The following SMTN variants were observed in gnomAD, a reference collection of about 807,000 sequenced individuals.
The protein encoded by SMTN is smoothelin.
SMTN carries 58 observed loss-of-function variants against 102.0 expected under a neutral mutation model. That is an observed-to-expected ratio of 0.57 (90% CI 0.46 to 0.71). The LOEUF is 0.71. Among genes scored for constraint, SMTN ranks in the 30% least tolerant of loss-of-function variants. SMTN has a pLI of 0.00. For missense variants in SMTN, 1,185 were observed against 1,241.7 expected (o/e 0.95, Z 0.69); for synonymous variants, 478 against 497.9 (o/e 0.96, Z 0.53).
In SMTN at chr22:31,099,188, C is replaced by T. The variant is rs751385429; in HGVS notation, c.2451+9C>T. 6.2e-7 allele frequency: 1 copy of T among 1,604,094 alleles called. No homozygotes were observed. The highest frequency in any genetic ancestry group is 1.1e-5 in the South Asian group (1 of 90,748). On this transcript the variant is annotated intron_variant, in intron 18 of 20. Transcript: ENST00000333137. Reference sequence around the variant, plus strand: ...AGACTCGCGGCTACGAGGTGAGCCCCGGGAGGCCAGGGGGCCTGGAGGCCT... The same window carrying T: ...AGACTCGCGGCTACGAGGTGAGCCCTGGGAGGCCAGGGGGCCTGGAGGCCT...
chr22:31,072,363 G>C (rs2042024455), intron 1 of SMTN, among the ~76,000 whole-genome samples: 1 of 152,200 alleles, frequency 6.6e-6, no homozygotes, highest in Non-Finnish European at 1.5e-5. Context: ...TCCAACTCCA[G>C]ATCTCCCTGA....
rs915347615 is a variant in SMTN at position 31,090,031 on chromosome 22, T to C, written c.792+12T>C. ...AGGTGGTCAACAAGGTGAGTCTGGATGAGGGGCAGGGATGCCAGGCAAGTG... is the reference window on the plus strand; with the variant it reads ...AGGTGGTCAACAAGGTGAGTCTGGACGAGGGGCAGGGATGCCAGGCAAGTG... On this transcript the variant is annotated intron_variant, in intron 7 of 20. Coordinates refer to ENST00000333137, the MANE Select transcript of SMTN (RefSeq NM_134269.3). The C allele has an allele frequency of 2.5e-6, 4 of 1,610,116 alleles. No individual in the cohort carries two copies. The African/African-American group carries it at 5.3e-5, about 22-fold the overall frequency.
chr22:31,067,132 A>T (rs2041870122), intron 1 of SMTN: 1 of 152,128 alleles, frequency 6.6e-6, no homozygotes, highest in African/African-American at 2.4e-5. Context: ...GCTGGAGTGC[A>T]GTGGTGTGAT....
At chr22:31,085,405 C>G in intron 2 of SMTN, 1 of 931,924 alleles carries the variant, frequency 1.1e-6, no homozygotes, top group South Asian at 1.8e-5. Context: ...CATGGGCAAC[C>G]GGGGGAGCTG....
At chr22:31,064,848 T>C (rs1267202303) in intron 1 of SMTN, 1 of 152,184 alleles carries the variant, frequency 6.6e-6, no homozygotes, top group Non-Finnish European at 1.5e-5. Context: ...CTTAGTACAA[T>C]TATCAGAACC....
intron 11 of SMTN, 114 bp downstream of exon 11, chr22:31,091,961 A>G: frequency 9.4e-7 from 1 of 1,063,158 alleles, no homozygotes; most frequent in African/African-American, 1.6e-5. Context: ...ACACAGAGAA[A>G]CCGAGGCCCA....
chr22:31,090,734 G>T (rs1003639669), intron 8 of SMTN, 74 bp from the exon 9 acceptor site: 2 of 1,202,154 alleles, frequency 1.7e-6, no homozygotes, highest in African/African-American at 3.0e-5. Context: ...AGAGGATTAT[G>T]AAAGGTGGAC....
At position 31,088,122 on chromosome 22, in the gene SMTN, C is replaced by T. The variant is rs375180150; in HGVS notation, c.200+9C>T. 2.3e-5 allele frequency: 37 copies of T among 1,586,620 alleles called. No homozygotes were observed. The highest frequency in any genetic ancestry group is 3.3e-4 in the Middle Eastern group (2 of 5,988). ...AAGGAGAACTGGCTGCAGTGAGTAGCGGGGGGTGGAACATGCGGGTGAGAA... is the reference window on the plus strand; with the variant it reads ...AAGGAGAACTGGCTGCAGTGAGTAGTGGGGGGTGGAACATGCGGGTGAGAA... On this transcript the variant is annotated intron_variant, in intron 3 of 20. Coordinates refer to ENST00000333137, the MANE Select transcript of SMTN (RefSeq NM_134269.3).
intron 2 of SMTN, chr22:31,084,946 G>A: frequency 7.2e-7 from 1 of 1,385,298 alleles, no homozygotes; most frequent in South Asian, 1.6e-5. Flanking sequence ...TCCCCGCGGG[G>A]CCGGGCCATA....
At chr22:31,082,172 G>A in intron 1 of SMTN, 1 of 191,118 alleles carries the variant, frequency 5.2e-6, no homozygotes, top group South Asian at 8.3e-5. Flanking sequence ...CAGGCCTGGG[G>A]CCACACATTA....
At chr22:31,092,542 T>C (rs578000561) in intron 11 of SMTN, 80 of 471,246 alleles carry the variant, frequency 1.7e-4, no homozygotes, top group African/African-American at 1.4e-3. Context: ...TAATGCCCTC[T>C]GTGCTAAACC....
At chr22:31,099,501 G>C in intron 18 of SMTN, 1 of 590,632 alleles carries the variant, frequency 1.7e-6, no homozygotes, top group Non-Finnish European at 3.0e-6. Context: ...GGAGTGATGA[G>C]GCATGACCAT....
At chr22:31,065,304 G>T (rs947597117) in intron 1 of SMTN, 3 of 152,070 alleles carry the variant, frequency 2.0e-5, no homozygotes, top group African/African-American at 7.2e-5. Flanking sequence ...CTTGTGGGGA[G>T]ATAATAAGAC....
At chr22:31,086,908 C>T (rs917198882) in intron 2 of SMTN, among the ~76,000 whole-genome samples, 5 of 152,212 alleles carry the variant, frequency 3.3e-5, no homozygotes, top group Admixed American at 6.5e-5. Context: ...CTGGCCTTCC[C>T]GCTAAGCAGA....
chr22:31,091,164 T>A lies in SMTN; in HGVS notation c.1141T>A (p.Ser381Thr), dbSNP rs1428136226. Reference protein sequence around the residue: ...STTPASSSSGSSSRGPSDTSS... With the variant: ...STTPASSSSGTSSRGPSDTSS... ...CACCCCTGCCTCCTCCTCCAGCGGC[T>A]CCTCCTCTCGGGGCCCCAGTGATAC... The change falls in exon 10 of 21, where the codon TCC becomes ACC. Residue 381 changes from serine (S) to threonine (T), a missense_variant. Physicochemically the swap from Ser to Thr is moderately conservative, Grantham distance 58 (BLOSUM62 1). Coordinates refer to ENST00000333137, the MANE Select transcript of SMTN (RefSeq NM_134269.3). The A allele has an allele frequency of 1.2e-6, 2 of 1,613,034 alleles. No individual in the cohort carries two copies. Among genetic ancestry groups the A allele is most frequent in the Non-Finnish European group, 8.5e-7 (1 of 1,179,700 alleles).
chr22:31,100,352 C>T lies in SMTN; in HGVS notation c.2603+456C>T, dbSNP rs2043974926. Among the ~76,000 whole-genome samples, 3 of 152,296 alleles carry T rather than the reference C, an allele frequency of 2.0e-5. No homozygotes were observed. In the South Asian group the frequency reaches 6.2e-4, roughly 32 times the overall value. On this transcript the variant is annotated intron_variant, in intron 19 of 20. Coordinates refer to ENST00000333137, the MANE Select transcript of SMTN (RefSeq NM_134269.3). ...GGCTTATATAGGACCTCAGCAAGCC[C>T]TCCACTTTGGAATCGTTGCCCCGTC... is the stretch of plus-strand genomic sequence containing the variant.
intron 19 of SMTN, 135 bp from the exon 20 acceptor site, chr22:31,100,750 G>C (rs1349182019): frequency 2.5e-5 from 10 of 396,858 alleles, no homozygotes; most frequent in Admixed American, 1.1e-4. Flanking sequence ...TCATGTCTCT[G>C]TGTGTGTGTG....
Position 31,098,682 on chromosome 22 carries a change from G to C in SMTN, c.2175G>C (p.Glu725Asp), listed in dbSNP as rs769846068. 3.1e-6 allele frequency: 5 copies of C among 1,613,360 alleles called. No homozygotes were observed. Among genetic ancestry groups the C allele is most frequent in the Non-Finnish European group, 4.2e-6 (5 of 1,179,890 alleles). The part of the protein sequence containing the change: ...SKKMGSIFDR[E>D]DQASPRAGSL... ...CAACCCCTAGCATCTTCGACCGCGA[G>C]GACCAGGCCAGCCCACGGGCCGGCA... Residue 725 changes from glutamate to aspartate, a missense_variant, in exon 17 of 21, where the codon GAG becomes GAC. By Grantham distance (45) the Glu-to-Asp change is conservative. Around this residue, in one of 2 missense-constraint regions of SMTN, gnomAD observed 1,096 missense variants for 1,112.7 expected, o/e 0.98. Coordinates refer to ENST00000333137, the MANE Select transcript of SMTN (RefSeq NM_134269.3).
rs1602657432 is a variant in SMTN at position 31,095,901 on chromosome 22, C to G, written c.1861+292C>G. The G allele has an allele frequency of 6.2e-6, 3 of 485,278 alleles. No homozygotes were observed. The East Asian group carries it at 1.2e-4, about 19-fold the overall frequency. 30.1% of individuals were successfully genotyped at this position (485,278 alleles called of 1,614,324 possible). On this transcript the variant is annotated intron_variant, in intron 13 of 20. Transcript: ENST00000333137. This position sits in a 1 kb window ranked among gnomAD's most constrained non-coding sequence, Gnocchi z 4.1. Reference sequence around the variant, plus strand: ...ACTCTCTCCTTGGATCCAGTTGCCTCTCAAAGTACTGTCAACGACTCCTTC... The same window carrying G: ...ACTCTCTCCTTGGATCCAGTTGCCTGTCAAAGTACTGTCAACGACTCCTTC...
Sources: gnomAD v4.1 joint callset for allele counts (sites outside exome capture counted in the v4.1 genomes callset) on GRCh38, gnomAD v4.1.1 for gene constraint, gnomAD v4.1.1 regional missense constraint, Gnocchi (gnomAD v3.1) non-coding constraint, MANE v1.5 for transcripts, NCBI Gene and HGNC (gene_info 2026-07-23, HGNC 2026-07-21) for gene names.